MGAT5: variants seen among roughly 807,000 people sequenced by gnomAD.
MGAT5 encodes the protein alpha-1,6-mannosylglycoprotein 6-beta-N-acetylglucosaminyltransferase A.
In MGAT5, 30 loss-of-function variants were observed where a neutral mutation model predicts 94.3. The ratio of observed to expected loss-of-function variants is 0.32; its 90% CI spans 0.24 to 0.43. The LOEUF (loss-of-function observed/expected upper bound fraction) is 0.43. Among genes scored for constraint, MGAT5 ranks in the 20% least tolerant of loss-of-function variants. The pLI is 1.00. For synonymous variants in MGAT5, 310 were observed against 322.9 expected, an observed-to-expected ratio of 0.96 and a Z score of 0.43; for missense variants, 691 against 905.5, an observed-to-expected ratio of 0.76 and a Z score of 3.04.
chr2:134,219,085 A>G (rs1190364504), intron 1 of MGAT5, among the ~76,000 whole-genome samples: 1 of 152,130 alleles, frequency 6.6e-6, no homozygotes. Context: ...GAATTTGAGG[A>G]AGCCCAGGGA....
At chr2:134,135,149 C>G (rs1686346394) in intron 1 of MGAT5, among the ~76,000 whole-genome samples, 1 of 152,076 alleles carries the variant, frequency 6.6e-6, no homozygotes, top group Non-Finnish European at 1.5e-5. Flanking sequence ...TCATAAATTA[C>G]TTTCCTTTAT....
chr2:134,341,662 C>G lies in MGAT5; in HGVS notation c.880C>G (p.Pro294Ala). 1.2e-6 allele frequency: 2 copies of G among 1,613,458 alleles called. No individual in the cohort carries two copies. Among genetic ancestry groups the G allele is most frequent in the Non-Finnish European group, 1.7e-6 (2 of 1,179,702 alleles). ...KIAETAFSGG[P>A]LGELVQWSDL... ...TGCAGAGACAGCTTTCAGTGGTGGC[C>G]CTCTTGGTGAATTAGTTCAATGGAG... The change falls in exon 7 of 16, where the codon CCT (proline) becomes GCT (alanine). Residue 294 changes from proline to alanine, a missense_variant. Pro to Ala is a conservative substitution (Grantham distance 27, BLOSUM62 -1). Coordinates refer to ENST00000281923, the MANE Select transcript of MGAT5 (RefSeq NM_002410.5).
At chr2:134,162,479 C>G (rs1294283015) in intron 1 of MGAT5, among the ~76,000 whole-genome samples, 1 of 152,304 alleles carries the variant, frequency 6.6e-6, no homozygotes, top group African/African-American at 2.4e-5. Context: ...GAGCTGCTGA[C>G]TATGTACTGG....
intron 1 of MGAT5, among the ~76,000 whole-genome samples, chr2:134,216,117 G>A (rs541704564): frequency 5.3e-5 from 8 of 152,180 alleles, no homozygotes; most frequent in African/African-American, 9.6e-5. Context: ...TGGTAAAGTC[G>A]GTGTCTTGTA....
Position 134,412,082 on chromosome 2 carries a change from C to T in MGAT5, c.1531-787C>T, listed in dbSNP as rs111824474. Among the ~76,000 whole-genome samples, 309 of 152,234 alleles carry T rather than the reference C, an allele frequency of 2.0e-3. 4 individuals carry two copies. The highest frequency in any genetic ancestry group is 7.1e-3 in the African/African-American group (297 of 41,542). On this transcript the variant is annotated intron_variant, in intron 11 of 15. Coordinates refer to ENST00000281923, the MANE Select transcript of MGAT5 (RefSeq NM_002410.5). The stretch of plus-strand genomic sequence containing the variant: ...TGTGAGCAGTTATTTCATTTTTGGA[C>T]CCAGGAAATCAGCACCACTGAACTG...
intron 6 of MGAT5, among the ~76,000 whole-genome samples, chr2:134,340,984 A>C (rs1688592245): frequency 6.6e-6 from 1 of 152,196 alleles, no homozygotes; most frequent in Non-Finnish European, 1.5e-5. Flanking sequence ...TAGGTTTTTT[A>C]GGGATAATAG....
chr2:134,448,678 T>C lies in MGAT5; in HGVS notation c.2057T>C (p.Leu686Pro). The change falls in exon 16 of 16, where the codon CTG becomes CCG. Residue 686 changes from leucine (L) to proline (P), a missense_variant. Physicochemically the swap from Leu to Pro is moderately conservative, Grantham distance 98. This residue lies in a region of MGAT5 where 260 missense variants were observed against 347.0 expected (regional missense o/e 0.75). Transcript: ENST00000281923. ...AAGGTGACCTGCCAAAGCTCAGAGC[T>C]GGCCAAGGACATCCTGGTGCCCTCC... The part of the protein sequence containing the change: ...KYKVTCQSSE[L>P]AKDILVPSFD... The C allele has an allele frequency of 6.2e-7, 1 of 1,614,254 alleles. No individual in the cohort carries two copies. Among genetic ancestry groups the C allele is most frequent in the Non-Finnish European group, 8.5e-7 (1 of 1,180,044 alleles).
chr2:134,198,825 G>A (rs1243401949), intron 1 of MGAT5, among the ~76,000 whole-genome samples: 1 of 152,114 alleles, frequency 6.6e-6, no homozygotes, highest in Non-Finnish European at 1.5e-5. Flanking sequence ...ACTGCATCAT[G>A]TTTCCCTTCC....
At chr2:134,413,647 G>A (rs1683796570) in intron 12 of MGAT5, among the ~76,000 whole-genome samples, 1 of 152,236 alleles carries the variant, frequency 6.6e-6, no homozygotes, top group Non-Finnish European at 1.5e-5. Flanking sequence ...CTACGTGTGA[G>A]TGATCAAGCT....
chr2:134,158,985 AAAG>A (rs1346889192), intron 1 of MGAT5, among the ~76,000 whole-genome samples: 1 of 152,258 alleles, frequency 6.6e-6, no homozygotes, highest in Non-Finnish European at 1.5e-5. Context: ...AATATGAAGA[AAAG>A]AATGTAAACT....
At chr2:134,258,649 C>A (rs1396302294) in intron 1 of MGAT5, among the ~76,000 whole-genome samples, 1 of 152,194 alleles carries the variant, frequency 6.6e-6, no homozygotes, top group Non-Finnish European at 1.5e-5. Context: ...AAGTCTCTTT[C>A]ACGCCTGTGT....
intron 1 of MGAT5, among the ~76,000 whole-genome samples, chr2:134,168,904 A>G (rs1198918786): frequency 6.6e-6 from 1 of 152,162 alleles, no homozygotes; most frequent in Non-Finnish European, 1.5e-5. Context: ...AGAGAAAGAA[A>G]TGCTTGAGGT....
intron 10 of MGAT5, among the ~76,000 whole-genome samples, chr2:134,393,601 C>A (rs1450053494): frequency 5.3e-5 from 8 of 152,158 alleles, no homozygotes; most frequent in Admixed American, 3.3e-4. Context: ...TGCAACCTGC[C>A]TGAATCTGGC....
intron 3 of MGAT5, 56 bp from the exon 4 acceptor site, chr2:134,318,594 C>A: frequency 1.6e-6 from 2 of 1,283,192 alleles, no homozygotes; most frequent in South Asian, 1.2e-5. Context: ...CCTTCCCTGT[C>A]AGCAGATGTG....
chr2:134,221,354 T>G (rs1375712209), intron 1 of MGAT5, among the ~76,000 whole-genome samples: 1 of 152,172 alleles, frequency 6.6e-6, no homozygotes, highest in East Asian at 1.9e-4. Context: ...GACAATTGGT[T>G]GAGTTTATCT....
intron 2 of MGAT5, among the ~76,000 whole-genome samples, chr2:134,300,305 G>T (rs1033139867): frequency 6.6e-6 from 1 of 152,272 alleles, no homozygotes; most frequent in East Asian, 1.9e-4. Flanking sequence ...AAGATGGCAT[G>T]TTGTAAATCT....
intron 1 of MGAT5, among the ~76,000 whole-genome samples, chr2:134,129,172 T>A (rs79399192): frequency 0.013 from 2,022 of 152,324 alleles, 50 homozygotes; most frequent in African/African-American, 0.044. Flanking sequence ...AGAATCGGTC[T>A]CCTTGCCTTT....
chr2:134,180,824 A>G lies in MGAT5; in HGVS notation c.-143+60533A>G, dbSNP rs557775903. Among the ~76,000 whole-genome samples, 7 of 152,298 alleles carry G rather than the reference A, an allele frequency of 4.6e-5. No homozygotes were observed. The East Asian group carries it at 1.2e-3, about 25-fold the overall frequency. ...TTTTTTCTGTAAAATGCCCATTTCC[A>G]TGTTTACAGAAAATCTTTTATAGGG... On this transcript the variant is annotated intron_variant, in intron 1 of 16. Coordinates refer to the MGAT5 transcript ENST00000409645.
At chr2:134,373,847 TG>T (rs1372350078) in intron 10 of MGAT5, among the ~76,000 whole-genome samples, 1 of 152,184 alleles carries the variant, frequency 6.6e-6, no homozygotes, top group African/African-American at 2.4e-5. Context: ...GAAGGAGAAC[TG>T]GGGGCTTCAT....
Sources: allele counts gnomAD v4.1 joint callset (sites outside exome capture counted in the v4.1 genomes callset), GRCh38; gene constraint gnomAD v4.1.1; regional missense constraint gnomAD v4.1.1; transcripts MANE v1.5; gene names NCBI Gene and HGNC (gene_info 2026-07-23, HGNC 2026-07-21).